The following ENTREP2 variants were observed in gnomAD, a reference collection of about 807,000 sequenced individuals.
The protein encoded by ENTREP2 is protein ENTREP2.
At chr15:29,236,221 G>T in the ENTREP2 span, among the ~76,000 whole-genome samples, 1 of 152,096 alleles carries the variant, frequency 6.6e-6, no homozygotes, top group Non-Finnish European at 1.5e-5. Context: ...GGATAATAAA[G>T]GAGTAATATG....
the ENTREP2 span, among the ~76,000 whole-genome samples, chr15:29,634,337 C>G: frequency 6.6e-6 from 1 of 152,154 alleles, no homozygotes; most frequent in Non-Finnish European, 1.5e-5. Context: ...CAAGTGCACA[C>G]GATCCCCTCC....
At chr15:29,272,871 C>A in the ENTREP2 span, among the ~76,000 whole-genome samples, 3 of 152,082 alleles carry the variant, frequency 2.0e-5, no homozygotes, top group Non-Finnish European at 4.4e-5. Context: ...ACCCTGACTG[C>A]ATGTCTTCCA....
At chr15:29,363,932 G>A in the ENTREP2 span, among the ~76,000 whole-genome samples, 1 of 152,142 alleles carries the variant, frequency 6.6e-6, no homozygotes, top group Non-Finnish European at 1.5e-5. Flanking sequence ...CAGGATAACA[G>A]GAGAGCTACC....
the ENTREP2 span, among the ~76,000 whole-genome samples, chr15:29,257,242 T>G: frequency 3.3e-5 from 5 of 151,910 alleles, no homozygotes; most frequent in Admixed American, 3.3e-4. Context: ...CCGGGGTAAT[T>G]TTGTATTTTT....
the ENTREP2 span, among the ~76,000 whole-genome samples, chr15:29,226,801 A>AT: frequency 1.3e-5 from 2 of 152,190 alleles, no homozygotes; most frequent in African/African-American, 4.8e-5. Context: ...AAAAAATGAG[A>AT]TAGTCTCAAA....
At chr15:29,459,967 C>A in the ENTREP2 span, among the ~76,000 whole-genome samples, 6 of 152,286 alleles carry the variant, frequency 3.9e-5, no homozygotes, top group East Asian at 5.8e-4. Flanking sequence ...CTATTTCAGG[C>A]CAGATGAGGT....
the ENTREP2 span, among the ~76,000 whole-genome samples, chr15:29,257,251 T>TTA: frequency 6.6e-6 from 1 of 152,048 alleles, no homozygotes; most frequent in Non-Finnish European, 1.5e-5. Context: ...TTTTGTATTT[T>TTA]TAGTAGAGAC....
At chr15:29,240,236 T>G in the ENTREP2 span, among the ~76,000 whole-genome samples, 1 of 151,978 alleles carries the variant, frequency 6.6e-6, no homozygotes, top group African/African-American at 2.4e-5. Context: ...TGGAGGCACA[T>G]GCCTGTAATC....
At chr15:29,514,561 C>T in the ENTREP2 span, among the ~76,000 whole-genome samples, 4 of 152,156 alleles carry the variant, frequency 2.6e-5, no homozygotes, top group Non-Finnish European at 5.9e-5. Flanking sequence ...TCAGTGAAGA[C>T]CTAGTTTTAA....
At chr15:29,552,723 G>A in the ENTREP2 span, among the ~76,000 whole-genome samples, 28 of 152,188 alleles carry the variant, frequency 1.8e-4, no homozygotes, top group Non-Finnish European at 2.6e-4. Context: ...TATGTTACAC[G>A]TCTACAAAAC....
chr15:29,132,419 C>T, the ENTREP2 span, among the ~76,000 whole-genome samples: 1 of 152,212 alleles, frequency 6.6e-6, no homozygotes, highest in East Asian at 1.9e-4. Context: ...GCGGCCCCTT[C>T]ATCACCAGAT....
At chr15:29,327,350 T>TTTGGGAGGCCGAGGTG in the ENTREP2 span, among the ~76,000 whole-genome samples, 1 of 152,076 alleles carries the variant, frequency 6.6e-6, no homozygotes, top group Non-Finnish European at 1.5e-5. Flanking sequence ...AGCACTTTAC[T>TTTGGGAGGCCGAGGTG]TTGGGAGGCC....
chr15:29,371,369 C>CACACAT, the ENTREP2 span, among the ~76,000 whole-genome samples: 1 of 151,838 alleles, frequency 6.6e-6, no homozygotes, highest in Non-Finnish European at 1.5e-5. Context: ...CACACACACA[C>CACACAT]ACACACACAC....
the ENTREP2 span, among the ~76,000 whole-genome samples, chr15:29,541,497 C>T: frequency 3.3e-5 from 5 of 152,192 alleles, no homozygotes; most frequent in African/African-American, 1.2e-4. Context: ...GGAATGCGGG[C>T]TGGGAGAGGG....
chr15:29,511,240 C>T, the ENTREP2 span, among the ~76,000 whole-genome samples: 10,683 of 152,150 alleles, frequency 0.07, 427 homozygotes, highest in Non-Finnish European at 0.074. Flanking sequence ...ATGTGTTAAG[C>T]GGGTTTCCTG....
the ENTREP2 span, among the ~76,000 whole-genome samples, chr15:29,643,130 A>C: frequency 6.6e-6 from 1 of 152,048 alleles, no homozygotes; most frequent in African/African-American, 2.4e-5. Context: ...TAGAGATGAC[A>C]CCAAAAGCAC....
At chr15:29,301,192 T>C in the ENTREP2 span, among the ~76,000 whole-genome samples, 1 of 152,222 alleles carries the variant, frequency 6.6e-6, no homozygotes, top group Non-Finnish European at 1.5e-5. Flanking sequence ...AGTTTTTCTT[T>C]ACAATTCTTG....
the ENTREP2 span, among the ~76,000 whole-genome samples, chr15:29,652,631 C>G: frequency 6.6e-6 from 1 of 152,178 alleles, no homozygotes; most frequent in African/African-American, 2.4e-5. Context: ...AGCTTCCAGG[C>G]ACTACTGCAT....
the ENTREP2 span, among the ~76,000 whole-genome samples, chr15:29,541,708 C>A: frequency 1.3e-5 from 2 of 152,152 alleles, no homozygotes; most frequent in Non-Finnish European, 2.9e-5. Flanking sequence ...AGGGAACAGG[C>A]AGAGTTCAGG....
Sources: gnomAD v4.1 joint callset for allele counts (sites outside exome capture counted in the v4.1 genomes callset) on GRCh38, gnomAD v4.1.1 for gene constraint, MANE v1.5 for transcripts, NCBI Gene and HGNC (gene_info 2026-07-23, HGNC 2026-07-21) for gene names.